Variants in PCLO observed in about 807,000 individuals in gnomAD.
PCLO encodes the protein protein piccolo.
Under a neutral mutation model 427.5 loss-of-function variants are expected in PCLO, and 82 were observed. The ratio of observed to expected loss-of-function variants is 0.19; its 90% CI spans 0.16 to 0.23. PCLO has a LOEUF of 0.23. PCLO is among the 10% of genes least tolerant of loss of function. The pLI is 1.00. For missense variants in PCLO, 6,239 were observed against 6,115.9 expected (o/e 1.02, Z -0.67); for synonymous variants, 2,357 against 2,155.4 (o/e 1.09, Z -2.59).
chr7:83,142,882 C>G (rs990481048), intron 2 of PCLO, among the ~76,000 whole-genome samples: 1 of 151,974 alleles, frequency 6.6e-6, no homozygotes, highest in Non-Finnish European at 1.5e-5. Flanking sequence ...TCGCTTGAAC[C>G]AGGAGATGGA....
intron 3 of PCLO, among the ~76,000 whole-genome samples, chr7:83,114,812 G>A (rs1415332276): frequency 6.6e-6 from 1 of 151,998 alleles, no homozygotes; most frequent in Non-Finnish European, 1.5e-5. Flanking sequence ...AGTGAGCAAG[G>A]TTATAAGGAT....
intron 22 of PCLO, among the ~76,000 whole-genome samples, chr7:82,800,204 A>G (rs1292404948): frequency 6.6e-6 from 1 of 152,232 alleles, no homozygotes; most frequent in African/African-American, 2.4e-5. Flanking sequence ...TGTGGCATTC[A>G]CTTAAGCCCC....
At chr7:83,120,402 GAA>G (rs35143407) in intron 3 of PCLO, among the ~76,000 whole-genome samples, 1 of 80,786 alleles carries the variant, frequency 1.2e-5, no homozygotes, top group Non-Finnish European at 2.4e-5. Flanking sequence ...CTCTGCCTCA[GAA>G]AAAAAAAAAA....
At chr7:82,977,128 A>G (rs766536244) in intron 3 of PCLO, among the ~76,000 whole-genome samples, 1 of 152,070 alleles carries the variant, frequency 6.6e-6, no homozygotes, top group Non-Finnish European at 1.5e-5. Flanking sequence ...AACAGTGCCA[A>G]TATTATCTAA....
chr7:82,849,734 A>C lies in PCLO; in HGVS notation c.13655-2487T>G, dbSNP rs567883563. On this transcript the variant is annotated intron_variant, in intron 10 of 24. Coordinates refer to ENST00000333891, the MANE Select transcript of PCLO (RefSeq NM_033026.6). ...TTAAAATGCATGCAAAATTTGTTGA[A>C]AATTATTATGATCTGTGGATGTTCA... 5.3e-5 allele frequency among the ~76,000 whole-genome samples: 8 copies of C among 152,210 alleles called. No homozygotes were observed. In the South Asian group the frequency reaches 1.7e-3, roughly 32 times the overall value.
chr7:83,126,895 T>C (rs1294008486), intron 3 of PCLO, among the ~76,000 whole-genome samples: 2 of 152,094 alleles, frequency 1.3e-5, no homozygotes, highest in Non-Finnish European at 2.9e-5. Flanking sequence ...TATTATATAC[T>C]AGTTAATGTA....
chr7:83,057,346 ATATTTTTTT>A (rs1789419974), intron 3 of PCLO, among the ~76,000 whole-genome samples: 3 of 18,276 alleles, frequency 1.6e-4, no homozygotes, highest in African/African-American at 6.0e-4. Context: ...ATATATATAT[ATATTTTTTT>A]TTTTTTTTTT....
In PCLO at chr7:82,760,674, G is replaced by A. The variant is rs1265342258; in HGVS notation, c.15253C>T (p.Arg5085Ter). The change falls in exon 24 of 25, where the codon CGA becomes TGA. Residue 5085 changes from arginine (R) to a stop codon, truncating the protein, a stop_gained. Coordinates refer to ENST00000333891, the MANE Select transcript of PCLO (RefSeq NM_033026.6). LOFTEE classifies it high-confidence loss of function. ...TGTCCTGCAGGACTTAGACTGAATC[G>A]AAAAGTTTCATTAAACGAAGGCTCT... is the stretch of plus-strand genomic sequence containing the variant. ...DREPSFNETF[R>*]FSLSPAGHSL... is the part of the protein sequence containing the mutation. 1.2e-6 allele frequency: 2 copies of A among 1,605,846 alleles called. No individual in the cohort carries two copies. The highest frequency in any genetic ancestry group is 1.7e-6 in the Non-Finnish European group (2 of 1,175,944).
intron 16 of PCLO, among the ~76,000 whole-genome samples, chr7:82,834,788 G>C (rs1792185674): frequency 6.6e-6 from 1 of 152,014 alleles, no homozygotes; most frequent in African/African-American, 2.4e-5. Context: ...CCTACTATTG[G>C]GAACAAAGGA....
intron 7 of PCLO, among the ~76,000 whole-genome samples, chr7:82,910,741 C>T (rs77939740): frequency 7.9e-5 from 12 of 152,130 alleles, no homozygotes; most frequent in Non-Finnish European, 1.3e-4. Context: ...ATATTTTTCA[C>T]AATCTGCTCA....
chr7:82,766,193 G>T (rs1233641436), intron 22 of PCLO, among the ~76,000 whole-genome samples: 1 of 152,044 alleles, frequency 6.6e-6, no homozygotes, highest in Admixed American at 6.6e-5. Context: ...CTTTGAGAGT[G>T]GCAGCCTTGG....
chr7:82,952,495 T>C lies in PCLO; in HGVS notation c.8458A>G (p.Met2820Val), dbSNP rs149645551. The C allele has an allele frequency of 1.0e-4, 164 of 1,613,952 alleles. 1 individual carries two copies. The highest frequency in any genetic ancestry group is 6.6e-4 in the Middle Eastern group (4 of 6,060). The change falls in exon 5 of 25, where the codon ATG becomes GTG. Residue 2820 changes from methionine (M) to valine (V), a missense_variant. This residue lies in a region of PCLO where 4,677 missense variants were observed against 4,468.4 expected (regional missense o/e 1.05). Transcript: ENST00000333891. ...TESLVGAEHA[M>V]TTPLQLTTSK... ...GTTGTAAGTTGGAGTGGTGTTGTCA[T>C]TGCATGTTCTGCACCCACTAGGCTT...
At chr7:83,048,992 A>G (rs1202875291) in intron 3 of PCLO, among the ~76,000 whole-genome samples, 5 of 152,110 alleles carry the variant, frequency 3.3e-5, no homozygotes, top group Non-Finnish European at 7.4e-5. Flanking sequence ...ATTAGAACAG[A>G]TTGCTTAGTC....
rs1212415158 is a variant in PCLO, at chr7:82,835,666, C to T, written c.14249+1G>A. On this transcript the variant is annotated splice_donor_variant, in intron 16 of 24. Coordinates refer to ENST00000333891, the MANE Select transcript of PCLO (RefSeq NM_033026.6). LOFTEE classifies it high-confidence loss of function. ...TGACACTGAAAGAGAAACAACTCTA[C>T]CTTGCATTCTGGACAACCATGACTT... 6.2e-7 allele frequency: 1 copy of T among 1,608,872 alleles called. No homozygotes were observed. Among genetic ancestry groups the T allele is most frequent in the East Asian group, 2.2e-5 (1 of 44,662 alleles).
rs1792365274 is a variant in PCLO, at chr7:82,841,529, A to C, written c.14047-20T>G. 1 of 1,375,084 alleles carries C rather than the reference A, an allele frequency of 7.3e-7. No individual in the cohort carries two copies. Among genetic ancestry groups the C allele is most frequent in the Non-Finnish European group, 1.0e-6 (1 of 966,716 alleles). The allele number at this position is 1,375,084 out of a possible 1,614,324, so 85.2% of individuals were successfully genotyped here. A position where few individuals can be genotyped will look rare whatever the true frequency, so the allele number is the denominator to read the frequency against. ...GGTAGGCTGTAATATTAAAGAACATATATTACATTAATAGATACATTTTTC... is the reference window on the plus strand; with the variant it reads ...GGTAGGCTGTAATATTAAAGAACATCTATTACATTAATAGATACATTTTTC... On this transcript the variant is annotated intron_variant, in intron 13 of 24. Coordinates refer to ENST00000333891, the MANE Select transcript of PCLO (RefSeq NM_033026.6).
Position 82,915,055 on chromosome 7 carries a change from T to C in PCLO, c.12931A>G (p.Ser4311Gly). 6.2e-7 allele frequency: 1 copy of C among 1,612,814 alleles called. No homozygotes were observed. The highest frequency in any genetic ancestry group is 1.1e-5 in the South Asian group (1 of 91,030). ...TGAGCTTTCAGTCTTAGGGAAGAGCTAGAAGAATCCCTTTTAATTGATAAA... is the reference window on the plus strand; with the variant it reads ...TGAGCTTTCAGTCTTAGGGAAGAGCCAGAAGAATCCCTTTTAATTGATAAA... The part of the protein sequence containing the change: ...LDLSIKRDSS[S>G]SSLRLKAQEA... The change falls in exon 7 of 25, where the codon AGC (serine) becomes GGC (glycine). Residue 4311 changes from serine to glycine, a missense_variant. This residue lies in a region of PCLO where 680 missense variants were observed against 677.3 expected (regional missense o/e 1.00). Coordinates refer to ENST00000333891, the MANE Select transcript of PCLO (RefSeq NM_033026.6).
chr7:82,761,734 T>C (rs1360380700), intron 22 of PCLO, among the ~76,000 whole-genome samples: 1 of 151,214 alleles, frequency 6.6e-6, no homozygotes, highest in Non-Finnish European at 1.5e-5. Context: ...TATTCAGATA[T>C]GAATAAAATA....
At chr7:82,998,391 A>AAAAAACAAC (rs376223679) in intron 3 of PCLO, among the ~76,000 whole-genome samples, 2 of 149,174 alleles carry the variant, frequency 1.3e-5, no homozygotes, top group Admixed American at 6.8e-5. Context: ...TGTCCTTTAA[A>AAAAAACAAC]AACAACAACA....
At position 83,135,472 on chromosome 7, in the gene PCLO, T is replaced by G. The variant is rs577149503; in HGVS notation, c.2078A>C (p.Asp693Ala). The G allele has an allele frequency of 2.0e-5, 32 of 1,613,644 alleles. No individual in the cohort carries two copies. The South Asian group carries it at 3.3e-4, about 17-fold the overall frequency. The change falls in exon 3 of 25, where the codon GAT (aspartate) becomes GCT (alanine). Residue 693 changes from aspartate to alanine, a missense_variant. Coordinates refer to ENST00000333891, the MANE Select transcript of PCLO (RefSeq NM_033026.6). ...TTTAGGCTCAGGTGCCTTGGAGAGA[T>G]CCTGTTTTGGTGCAGCATCCTTCTT... ...SPKKDAAPKQ[D>A]LSKAPEPKKP... is the part of the protein sequence containing the mutation.
Sources: gnomAD v4.1 joint callset for allele counts (sites outside exome capture counted in the v4.1 genomes callset) on GRCh38, gnomAD v4.1.1 for gene constraint, gnomAD v4.1.1 regional missense constraint, MANE v1.5 for transcripts, NCBI Gene and HGNC (gene_info 2026-07-23, HGNC 2026-07-21) for gene names.